HECW1: variants seen among roughly 807,000 people sequenced by gnomAD.
The protein encoded by HECW1 is HECT, C2 and WW domain containing E3 ubiquitin protein ligase 1, also known as E3 ubiquitin-protein ligase HECW1.
HECW1 carries 61 observed loss-of-function variants against 182.3 expected under a neutral mutation model. The ratio of observed to expected loss-of-function variants is 0.33; its 90% CI spans 0.27 to 0.41. HECW1 has a LOEUF of 0.41. HECW1 is among the 10% of genes least tolerant of loss of function. The pLI, the probability that HECW1 is intolerant of heterozygous loss-of-function variation, is 1.00. For synonymous variants in HECW1, 859 were observed against 832.6 expected (o/e 1.03, Z -0.55); for missense variants, 1,739 against 2,108.9 (o/e 0.82, Z 3.44).
chr7:43,304,222 C>T (rs1373841152), intron 3 of HECW1, among the ~76,000 whole-genome samples: 1 of 152,096 alleles, frequency 6.6e-6, no homozygotes, highest in African/African-American at 2.4e-5. Flanking sequence ...AACCCTCCAA[C>T]CCAGGCCATC....
In HECW1 at chr7:43,127,764, T is replaced by C. The variant is rs557523530; in HGVS notation, c.-32+13373T>C. 1.3e-3 allele frequency among the ~76,000 whole-genome samples: 199 copies of C among 152,260 alleles called. 1 individual carries two copies. The highest frequency in any genetic ancestry group is 4.5e-3 in the African/African-American group (188 of 41,544). ...TCATTAGGTTTAAGGAAAGACACTA[T>C]CTTCAAACATAAAAGTACAAGATGA... On this transcript the variant is annotated intron_variant, in intron 2 of 29. Transcript: ENST00000395891.
At chr7:43,225,307 T>C (rs75679582) in intron 2 of HECW1, among the ~76,000 whole-genome samples, 1,986 of 151,922 alleles carry the variant, frequency 0.013, 47 homozygotes, top group African/African-American at 0.046. Context: ...GCACAGATGG[T>C]GGGAGAATCA....
intron 13 of HECW1, among the ~76,000 whole-genome samples, chr7:43,462,122 C>T (rs1298339875): frequency 6.6e-6 from 1 of 152,184 alleles, no homozygotes; most frequent in African/African-American, 2.4e-5. Flanking sequence ...CAGCGAGCAT[C>T]CCCGTGCTTT....
At chr7:43,331,743 T>A (rs1811520673) in intron 5 of HECW1, among the ~76,000 whole-genome samples, 1 of 152,202 alleles carries the variant, frequency 6.6e-6, no homozygotes, top group African/African-American at 2.4e-5. Flanking sequence ...ATCACTGTTG[T>A]ATCCAGTGAG....
chr7:43,415,425 A>T (rs1266740458), intron 8 of HECW1, among the ~76,000 whole-genome samples: 70 of 148,144 alleles, frequency 4.7e-4, no homozygotes, highest in Admixed American at 2.1e-3. Context: ...CTTCCCTTTG[A>T]GGGTAACCCG....
intron 29 of HECW1, among the ~76,000 whole-genome samples, chr7:43,560,742 A>C (rs1445542637): frequency 6.6e-6 from 1 of 152,202 alleles, no homozygotes; most frequent in African/African-American, 2.4e-5. Context: ...TGAAAAGAAG[A>C]GTTTAATATC....
intron 8 of HECW1, among the ~76,000 whole-genome samples, chr7:43,422,356 TTGG>T (rs2076209579): frequency 7.4e-6 from 1 of 134,470 alleles, no homozygotes. Flanking sequence ...TAATTGTTTT[TTGG>T]TTGTTGTTGT....
intron 3 of HECW1, among the ~76,000 whole-genome samples, chr7:43,249,752 G>A (rs1050311251): frequency 6.6e-6 from 1 of 152,294 alleles, no homozygotes; most frequent in Non-Finnish European, 1.5e-5. Flanking sequence ...AAGCAAAGGA[G>A]TACCAGCTTT....
chr7:43,463,810 A>AG lies in HECW1; in HGVS notation c.2791+15dup. 1 of 1,612,928 alleles carries AG rather than the reference A, an allele frequency of 6.2e-7. No homozygotes were observed. Among genetic ancestry groups the AG allele is most frequent in the Non-Finnish European group, 8.5e-7 (1 of 1,179,378 alleles). The stretch of plus-strand genomic sequence containing the variant: ...CCCAGTCCAGCTTAGGTATTGGAGG[A>AG]GGGGTCCCCACAACCTGTGATGGCT... On this transcript the variant is annotated intron_variant, in intron 14 of 29. Coordinates refer to ENST00000395891, the MANE Select transcript of HECW1 (RefSeq NM_015052.5).
chr7:43,369,703 T>A (rs192668410), intron 6 of HECW1, among the ~76,000 whole-genome samples: 1 of 143,082 alleles, frequency 7.0e-6, no homozygotes, highest in Non-Finnish European at 1.5e-5. Flanking sequence ...AAAGAGGACG[T>A]GAAAATTAAA....
intron 11 of HECW1, among the ~76,000 whole-genome samples, chr7:43,450,518 T>C (rs533015390): frequency 6.6e-6 from 1 of 152,340 alleles, no homozygotes; most frequent in African/African-American, 2.4e-5. Context: ...TAATTTTCTC[T>C]TGTGTTCCTT....
At chr7:43,472,869 A>G (rs918073493) in intron 16 of HECW1, among the ~76,000 whole-genome samples, 4 of 152,218 alleles carry the variant, frequency 2.6e-5, no homozygotes, top group African/African-American at 4.8e-5. Context: ...ATCCACAGAC[A>G]CAAAAACAAC....
chr7:43,561,210 C>T (rs538489087), intron 29 of HECW1, among the ~76,000 whole-genome samples: 79 of 152,306 alleles, frequency 5.2e-4, no homozygotes, highest in South Asian at 1.2e-3. Flanking sequence ...GAACCCCGGG[C>T]GCCAGGACAC....
At position 43,380,821 on chromosome 7, in the gene HECW1, G is replaced by A. The variant is rs1184638709; in HGVS notation, c.556-15993G>A. ...TGGGATTACAGGCATGAGCCACCAG[G>A]CCTGGCCAATATATGTAACTTTTGA... On this transcript the variant is annotated intron_variant, in intron 6 of 29. Coordinates refer to ENST00000395891, the MANE Select transcript of HECW1 (RefSeq NM_015052.5). Among the ~76,000 whole-genome samples, 10 of 152,128 alleles carry A rather than the reference G, an allele frequency of 6.6e-5. 1 individual carries two copies. The highest frequency in any genetic ancestry group is 1.9e-4 in the African/African-American group (8 of 41,430).
At chr7:43,315,785 C>T (rs907652697) in intron 4 of HECW1, among the ~76,000 whole-genome samples, 6 of 152,168 alleles carry the variant, frequency 3.9e-5, no homozygotes, top group African/African-American at 7.2e-5. Flanking sequence ...TGATCCACCG[C>T]GCCTGGCCCT....
chr7:43,274,927 T>C (rs1281819409), intron 3 of HECW1, among the ~76,000 whole-genome samples: 1 of 152,152 alleles, frequency 6.6e-6, no homozygotes, highest in Non-Finnish European at 1.5e-5. Context: ...TTAAAAACTA[T>C]ACAACTCAAT....
intron 2 of HECW1, among the ~76,000 whole-genome samples, chr7:43,130,322 C>T (rs576260231): frequency 2.6e-5 from 4 of 152,182 alleles, no homozygotes; most frequent in East Asian, 3.9e-4. Flanking sequence ...TAAATCTAAA[C>T]GTGAAATTCA....
At chr7:43,531,790 C>T (rs2081002085) in intron 24 of HECW1, among the ~76,000 whole-genome samples, 1 of 152,210 alleles carries the variant, frequency 6.6e-6, no homozygotes, top group South Asian at 2.1e-4. Context: ...GTTCCTCCAG[C>T]CTCGCCACCT....
chr7:43,483,547 CTT>C (rs549214390), intron 17 of HECW1, among the ~76,000 whole-genome samples: 63 of 119,000 alleles, frequency 5.3e-4, no homozygotes, highest in South Asian at 9.6e-4. Context: ...CATGCAAACT[CTT>C]TTTTTTTTTT....
Sources: gnomAD v4.1 joint callset for allele counts (sites outside exome capture counted in the v4.1 genomes callset) on GRCh38, gnomAD v4.1.1 for gene constraint, MANE v1.5 for transcripts, NCBI Gene and HGNC (gene_info 2026-07-23, HGNC 2026-07-21) for gene names.